FGF12: variants seen among roughly 807,000 people sequenced by gnomAD.
FGF12 encodes fibroblast growth factor 12, also known as fibroblast growth factor 12B.
FGF12 carries 14 observed loss-of-function variants against 23.6 expected under a neutral mutation model. That is an observed-to-expected ratio of 0.59 (90% CI 0.39 to 0.93). FGF12 has a LOEUF of 0.93. FGF12 is among the 40% of genes least tolerant of loss of function. The probability of loss-of-function intolerance (pLI) is 0.00; values close to 1 mark genes in which losing one functional copy is unlikely to be tolerated. For missense variants in FGF12, 175 were observed against 217.8 expected (o/e 0.80, Z 1.24); for synonymous variants, 62 against 77.3 (o/e 0.80, Z 1.04).
chr3:192,618,259 A>AG (rs1714838534), intron 2 of FGF12, among the ~76,000 whole-genome samples: 1 of 151,948 alleles, frequency 6.6e-6, no homozygotes, highest in South Asian at 2.1e-4. Flanking sequence ...AAAAAAAAAA[A>AG]AAAAAATTCT....
intron 2 of FGF12, among the ~76,000 whole-genome samples, chr3:192,457,917 G>A (rs1722730308): frequency 6.6e-6 from 1 of 152,176 alleles, no homozygotes; most frequent in South Asian, 2.1e-4. Flanking sequence ...GGGTCCCTGT[G>A]CTGTGTGCAG....
In FGF12 at chr3:192,634,714, T is replaced by G. The variant is rs543291418; in HGVS notation, c.13+92467A>C. ...TCACTAATAAATGAATAAATTACTT[T>G]ATATATTTAAATGACTTTATAGAAA... On this transcript the variant is annotated intron_variant, in intron 2 of 5. Coordinates refer to ENST00000445105, the MANE Select transcript of FGF12 (RefSeq NM_004113.6). 6.6e-4 allele frequency among the ~76,000 whole-genome samples: 101 copies of G among 152,278 alleles called. 1 individual carries two copies. The highest frequency in any genetic ancestry group is 2.4e-3 in the African/African-American group (98 of 41,576).
chr3:192,436,149 T>C (rs1194323081), intron 2 of FGF12, among the ~76,000 whole-genome samples: 1 of 152,118 alleles, frequency 6.6e-6, no homozygotes, highest in Non-Finnish European at 1.5e-5. Context: ...TCATAGTCCA[T>C]GTCTACAAGA....
intron 2 of FGF12, among the ~76,000 whole-genome samples, chr3:192,511,082 C>A (rs1724456416): frequency 6.6e-6 from 1 of 152,114 alleles, no homozygotes; most frequent in South Asian, 2.1e-4. Context: ...AGTCTCTAGG[C>A]ATCTGATAAT....
chr3:192,726,924 C>T (rs1030286898), intron 2 of FGF12: 7 of 544,314 alleles, frequency 1.3e-5, no homozygotes, highest in African/African-American at 5.6e-5. Context: ...GGGGGACTCT[C>T]CCCACCTCCC....
intron 2 of FGF12, among the ~76,000 whole-genome samples, chr3:192,556,528 A>G (rs1484487869): frequency 6.6e-6 from 1 of 152,166 alleles, no homozygotes; most frequent in Non-Finnish European, 1.5e-5. Context: ...GGAAGCAAAC[A>G]CTGATAGAAC....
chr3:192,469,464 TA>T (rs990472808), intron 2 of FGF12, among the ~76,000 whole-genome samples: 2 of 152,328 alleles, frequency 1.3e-5, no homozygotes, highest in African/African-American at 4.8e-5. Flanking sequence ...TCTTTACCTG[TA>T]ACTTTTTCTC....
chr3:192,622,001 T>C (rs1714993331), intron 2 of FGF12, among the ~76,000 whole-genome samples: 1 of 152,160 alleles, frequency 6.6e-6, no homozygotes, highest in South Asian at 2.1e-4. Flanking sequence ...CAGTTGTTGG[T>C]GAGTAGCCCA....
intron 4 of FGF12, among the ~76,000 whole-genome samples, chr3:192,300,441 A>G (rs1239142128): frequency 6.6e-6 from 1 of 152,104 alleles, no homozygotes; most frequent in Non-Finnish European, 1.5e-5. Flanking sequence ...AGACAGCCCA[A>G]TATTACAATC....
chr3:192,443,749 C>T (rs1722272490), intron 2 of FGF12, among the ~76,000 whole-genome samples: 2 of 152,284 alleles, frequency 1.3e-5, no homozygotes, highest in South Asian at 2.1e-4. Context: ...TTGCTTTACC[C>T]TTTTCACAAT....
intron 2 of FGF12, among the ~76,000 whole-genome samples, chr3:192,689,661 T>A: frequency 6.6e-6 from 1 of 151,930 alleles, no homozygotes; most frequent in Non-Finnish European, 1.5e-5. Flanking sequence ...TTTTATGTGA[T>A]ATATAAAACA....
intron 3 of FGF12, among the ~76,000 whole-genome samples, chr3:192,353,944 G>C (rs1718348153): frequency 6.6e-6 from 1 of 152,170 alleles, no homozygotes; most frequent in African/African-American, 2.4e-5. Flanking sequence ...ATAAGAAATA[G>C]ATTTCCTTCA....
chr3:192,669,762 G>C (rs1167597110), intron 2 of FGF12, among the ~76,000 whole-genome samples: 2 of 151,986 alleles, frequency 1.3e-5, no homozygotes, highest in Admixed American at 6.6e-5. Flanking sequence ...ATGATAATGT[G>C]TTTTCCAGAG....
Position 192,142,064 on chromosome 3 carries a change from G to T in FGF12, c.*1945C>A, listed in dbSNP as rs1713424307. ...TCCTAGAAGAGCAAGTCCATTTTTAGAAAATTTAAATGTCTTTATTTGTTA... is the reference window on the plus strand; with the variant it reads ...TCCTAGAAGAGCAAGTCCATTTTTATAAAATTTAAATGTCTTTATTTGTTA... On this transcript the variant is annotated 3_prime_UTR_variant, in exon 6 of 6. Transcript: ENST00000445105. 6.6e-6 allele frequency: 1 copy of T among 152,296 alleles called. No individual in the cohort carries two copies. The highest frequency in any genetic ancestry group is 1.5e-5 in the Non-Finnish European group (1 of 67,876). 9.4% of individuals were successfully genotyped at this position (152,296 alleles called of 1,614,324 possible).
chr3:192,512,426 T>C (rs890331064), intron 2 of FGF12, among the ~76,000 whole-genome samples: 2 of 152,080 alleles, frequency 1.3e-5, no homozygotes, highest in Non-Finnish European at 2.9e-5. Context: ...TGGTGTATAG[T>C]AGGCTTAAAG....
intron 2 of FGF12, among the ~76,000 whole-genome samples, chr3:192,578,287 C>T (rs371234542): frequency 1.1e-4 from 16 of 152,120 alleles, no homozygotes; most frequent in South Asian, 4.1e-4. Context: ...ACTTCCCTGT[C>T]GATAGGTACT....
intron 2 of FGF12, among the ~76,000 whole-genome samples, chr3:192,521,765 C>T (rs184030290): frequency 9.9e-5 from 15 of 152,270 alleles, no homozygotes; most frequent in Admixed American, 9.2e-4. Context: ...ACTGCAATTC[C>T]TCTATTATAG....
intron 2 of FGF12, among the ~76,000 whole-genome samples, chr3:192,414,468 C>T (rs1048843709): frequency 1.3e-5 from 2 of 152,072 alleles, no homozygotes; most frequent in African/African-American, 4.8e-5. Flanking sequence ...TGAATAATTA[C>T]AATCATGTAA....
At chr3:192,255,148 GCT>G (rs1712304471) in intron 4 of FGF12, among the ~76,000 whole-genome samples, 1 of 151,986 alleles carries the variant, frequency 6.6e-6, no homozygotes, top group Non-Finnish European at 1.5e-5. Flanking sequence ...TAACAGCACA[GCT>G]CTCTCATAAA....
Sources: allele counts gnomAD v4.1 joint callset (sites outside exome capture counted in the v4.1 genomes callset), GRCh38; gene constraint gnomAD v4.1.1; transcripts MANE v1.5; gene names NCBI Gene and HGNC (gene_info 2026-07-23, HGNC 2026-07-21).